Variants in CELSR1 observed in about 807,000 individuals in gnomAD.
CELSR1 encodes adhesion G protein-coupled receptor C1.
Under a neutral mutation model 249.1 loss-of-function variants are expected in CELSR1, and 110 were observed. That is an observed-to-expected ratio of 0.44 (90% CI 0.38 to 0.52). The LOEUF (loss-of-function observed/expected upper bound fraction) is 0.52. Ranked by LOEUF, CELSR1 falls within the 20% of genes least tolerant of loss-of-function variation. The probability of loss-of-function intolerance (pLI) is 0.00; values close to 1 mark genes in which losing one functional copy is unlikely to be tolerated. For missense variants in CELSR1, 4,109 were observed against 4,296.4 expected (o/e 0.96, Z 1.22); for synonymous variants, 2,113 against 1,900.0 (o/e 1.11, Z -2.92).
Position 46,412,783 on chromosome 22 carries a change from A to G in CELSR1, c.4612-1024T>C, listed in dbSNP as rs1472584678. ...CGGAACTTAAGCATGTGGGTCTCAA[A>G]GTTCCAGAAACACAGTTGGTGCCAG... is the stretch of plus-strand genomic sequence containing the variant. On this transcript the variant is annotated intron_variant, in intron 5 of 34. Transcript: ENST00000674500. The surrounding 1 kb of genome is among the most constrained non-coding windows in gnomAD (Gnocchi z 4.5). 1.3e-5 allele frequency among the ~76,000 whole-genome samples: 2 copies of G among 152,202 alleles called. No individual in the cohort carries two copies. The highest frequency in any genetic ancestry group is 4.8e-5 in the African/African-American group (2 of 41,456).
In CELSR1 at chr22:46,429,653, T is replaced by C. The variant is rs1215197528; in HGVS notation, c.4611+3740A>G. Among the ~76,000 whole-genome samples the C allele has an allele frequency of 6.6e-6, 1 of 152,230 alleles. No homozygotes were observed. The highest frequency in any genetic ancestry group is 1.9e-4 in the East Asian group (1 of 5,192). ...CTGCTCCCTGCCTGGGAGGGTTCCC[T>C]ACCCCATGGCTTCTGGTGGCTTTGG... is the stretch of plus-strand genomic sequence containing the variant. On this transcript the variant is annotated intron_variant, in intron 5 of 34. Coordinates refer to ENST00000674500, the MANE Select transcript of CELSR1 (RefSeq NM_001378328.1). The surrounding 1 kb of genome is among the most constrained non-coding windows in gnomAD (Gnocchi z 4.1).
chr22:46,378,280 G>A (rs985879111), intron 23 of CELSR1, among the ~76,000 whole-genome samples: 8 of 152,076 alleles, frequency 5.3e-5, no homozygotes, highest in African/African-American at 1.7e-4. Flanking sequence ...AGAGCTCCTC[G>A]GAGCCTGAGC....
chr22:46,536,335 C>T lies in CELSR1; in HGVS notation c.836G>A (p.Arg279His). The change falls in exon 1 of 35, where the codon CGC becomes CAC. Residue 279 changes from arginine (R) to histidine (H), a missense_variant. By Grantham distance (29) the Arg-to-His change is conservative. Transcript: ENST00000674500. ...AHYTIEGEEE[R>H]VSYYMEGLFD... ...CAGCCCCTCCATGTAATAGCTCACG[C>T]GCTCCTCCTCGCCCTCGATGGTGTA... 2 of 1,612,714 alleles carry T rather than the reference C, an allele frequency of 1.2e-6. No individual in the cohort carries two copies. Among genetic ancestry groups the T allele is most frequent in the Non-Finnish European group, 1.7e-6 (2 of 1,179,868 alleles).
rs776824429 is a variant in CELSR1, at chr22:46,397,830, T to TC, written c.5544dup (p.Thr1849AspfsTer23). 13 of 1,567,546 alleles carry TC rather than the reference T, an allele frequency of 8.3e-6. No individual in the cohort carries two copies. Among genetic ancestry groups the TC allele is most frequent in the Admixed American group, 1.8e-5 (1 of 55,896 alleles). ...TTCAGGGTGGCGACGTTGGTGGGCG[T>TC]CCCCCCCATCCTCACTCCCTGCATT... On this transcript the variant is annotated frameshift_variant, in exon 12 of 35. Transcript: ENST00000674500. LOFTEE classifies it high-confidence loss of function.
rs963974588 is a variant in CELSR1 at position 46,535,942 on chromosome 22, C to T, written c.1229G>A (p.Ser410Asn). Residue 410 changes from serine to asparagine, a missense_variant, in exon 1 of 35, where the codon AGC becomes AAC. Coordinates refer to ENST00000674500, the MANE Select transcript of CELSR1 (RefSeq NM_001378328.1). ...CTCCCGGTCCAGCACCGCCCGTGTG[C>T]TCACCACGCCAGAGCTCTCGTTGAG... ...FQLNESSGVVSTRAVLDREEA... is the reference protein window; with the variant it reads ...FQLNESSGVVNTRAVLDREEA... 3 of 1,609,826 alleles carry T rather than the reference C, an allele frequency of 1.9e-6. No individual in the cohort carries two copies. In the African/African-American group the frequency reaches 4.0e-5, roughly 21 times the overall value.
chr22:46,373,759 C>T (rs955933217), intron 24 of CELSR1, among the ~76,000 whole-genome samples: 1 of 147,290 alleles, frequency 6.8e-6, no homozygotes, highest in African/African-American at 2.7e-5. Flanking sequence ...GGGAGGGTCC[C>T]ACCACCCTGA....
rs374191807 is a variant in CELSR1, at chr22:46,411,952, T to C, written c.4612-193A>G. On this transcript the variant is annotated intron_variant, in intron 5 of 34. Transcript: ENST00000674500. This position sits in a 1 kb window ranked among gnomAD's most constrained non-coding sequence, Gnocchi z 4.2. ...TGCTCAATGCCCCCTCAAGTTCTGC[T>C]TCCCAGAATCTCAGAACGTGGCCTG... Among the ~76,000 whole-genome samples, 18 of 152,318 alleles carry C rather than the reference T, an allele frequency of 1.2e-4. No homozygotes were observed. Among genetic ancestry groups the C allele is most frequent in the African/African-American group, 4.1e-4 (17 of 41,576 alleles).
Position 46,527,572 on chromosome 22 carries a change from C to T in CELSR1, c.3544+6055G>A, listed in dbSNP as rs771355393. Among the ~76,000 whole-genome samples the T allele has an allele frequency of 1.3e-5, 2 of 152,220 alleles. No individual in the cohort carries two copies. The highest frequency in any genetic ancestry group is 2.4e-5 in the African/African-American group (1 of 41,450). ...ATCGGATGGTCCATCTCCACCCAGC[C>T]GCAGAAGTCAGGACCACACTGGCTC... On this transcript the variant is annotated intron_variant, in intron 1 of 34. Transcript: ENST00000674500. The surrounding 1 kb of genome is among the most constrained non-coding windows in gnomAD (Gnocchi z 5.5).
intron 4 of CELSR1, among the ~76,000 whole-genome samples, chr22:46,435,485 T>C (rs2079649029): frequency 6.6e-6 from 1 of 151,738 alleles, no homozygotes; most frequent in African/African-American, 2.4e-5. Flanking sequence ...TTTCACCATG[T>C]TAGCCAGGCT....
At chr22:46,379,892 T>C (rs1380469735) in intron 22 of CELSR1, among the ~76,000 whole-genome samples, 1 of 152,200 alleles carries the variant, frequency 6.6e-6, no homozygotes, top group African/African-American at 2.4e-5. Flanking sequence ...TCCCTGACTG[T>C]GCTCCCATCC....
In CELSR1 at chr22:46,423,582, GCAA is replaced by G. The variant is rs1395381261; in HGVS notation, c.4611+9808_4611+9810del. Among the ~76,000 whole-genome samples the G allele has an allele frequency of 6.8e-6, 1 of 146,218 alleles. No individual in the cohort carries two copies. Among genetic ancestry groups the G allele is most frequent in the Non-Finnish European group, 1.5e-5 (1 of 67,232 alleles). ...ATCGCGCCTTTACACTCCAGCCTGG[GCAA>G]CAGGAGCGAAACTTCGTCTCAGAAA... On this transcript the variant is annotated intron_variant, in intron 5 of 34. Transcript: ENST00000674500. This position sits in a 1 kb window ranked among gnomAD's most constrained non-coding sequence, Gnocchi z 5.6.
At chr22:46,467,721 C>T (rs991673085) in intron 1 of CELSR1, among the ~76,000 whole-genome samples, 16 of 151,894 alleles carry the variant, frequency 1.1e-4, no homozygotes, top group Non-Finnish European at 2.2e-4. Flanking sequence ...ACTCAGGAGG[C>T]TGAGGCAGGA....
chr22:46,370,249 T>C (rs1436149450), intron 25 of CELSR1: 1 of 420,062 alleles, frequency 2.4e-6, no homozygotes, highest in African/African-American at 2.0e-5. Context: ...TACAGGGCCA[T>C]ATGTGAGCGG....
chr22:46,399,816 G>T lies in CELSR1; in HGVS notation c.5313C>A (p.Asp1771Glu). 1.2e-6 allele frequency: 2 copies of T among 1,614,116 alleles called. No individual in the cohort carries two copies. The highest frequency in any genetic ancestry group is 1.7e-6 in the Non-Finnish European group (2 of 1,179,994). Residue 1771 changes from aspartate to glutamate, a missense_variant, in exon 10 of 35, where the codon GAC becomes GAA. Physicochemically the swap from Asp to Glu is conservative, Grantham distance 45. This residue lies in a region of CELSR1 where 1,805 missense variants were observed against 1,831.6 expected (regional missense o/e 0.99). Transcript: ENST00000674500. The surrounding 1 kb of genome is among the most constrained non-coding windows in gnomAD (Gnocchi z 5.0). ...CGATCAGCAGGTGGTGCCACTCCCCGTCGGTCACCCGCAACCCGGACAGCA... is the reference window on the plus strand; with the variant it reads ...CGATCAGCAGGTGGTGCCACTCCCCTTCGGTCACCCGCAACCCGGACAGCA... ...SVMLSGLRVT[D>E]GEWHHLLIEL...
intron 3 of CELSR1, 23 bp downstream of exon 3, chr22:46,439,166 G>A (rs1486990380): frequency 1.3e-6 from 2 of 1,599,362 alleles, no homozygotes; most frequent in East Asian, 2.2e-5. Context: ...ACCCCCGTGT[G>A]GCGCGGCGGG....
At position 46,472,088 on chromosome 22, in the gene CELSR1, A is replaced by G. The variant is rs1221552252; in HGVS notation, c.3545-7743T>C. On this transcript the variant is annotated intron_variant, in intron 1 of 34. Coordinates refer to ENST00000674500, the MANE Select transcript of CELSR1 (RefSeq NM_001378328.1). The surrounding 1 kb of genome is among the most constrained non-coding windows in gnomAD (Gnocchi z 7.0). ...GCGGCTCCGCGGCACCTCAAAAGCG[A>G]TCAAGTGCCATCCCCTGCTTTCCCG... Among the ~76,000 whole-genome samples, 1 of 152,102 alleles carries G rather than the reference A, an allele frequency of 6.6e-6. No individual in the cohort carries two copies. Among genetic ancestry groups the G allele is most frequent in the Non-Finnish European group, 1.5e-5 (1 of 68,014 alleles).
At position 46,447,482 on chromosome 22, in the gene CELSR1, C is replaced by T. The variant is rs2079833512; in HGVS notation, c.4184-8071G>A. Among the ~76,000 whole-genome samples, 1 of 152,086 alleles carries T rather than the reference C, an allele frequency of 6.6e-6. No homozygotes were observed. The highest frequency in any genetic ancestry group is 1.5e-5 in the Non-Finnish European group (1 of 68,032). On this transcript the variant is annotated intron_variant, in intron 2 of 34. Coordinates refer to ENST00000674500, the MANE Select transcript of CELSR1 (RefSeq NM_001378328.1). The surrounding 1 kb of genome is among the most constrained non-coding windows in gnomAD (Gnocchi z 4.7). ...AAATTCACCCATACTCTGCACACCCCCATCACCATGGCAGCCTCGCCTCCC... is the reference window on the plus strand; with the variant it reads ...AAATTCACCCATACTCTGCACACCCTCATCACCATGGCAGCCTCGCCTCCC...
chr22:46,433,628 G>A lies in CELSR1; in HGVS notation c.4523-147C>T, dbSNP rs1180662148. ...TCCCCACGGCACCATGGTGGGAGGCGCCCACCACTCCATCCATTTTCTTTT... is the reference window on the plus strand; with the variant it reads ...TCCCCACGGCACCATGGTGGGAGGCACCCACCACTCCATCCATTTTCTTTT... On this transcript the variant is annotated intron_variant, in intron 4 of 34. Coordinates refer to ENST00000674500, the MANE Select transcript of CELSR1 (RefSeq NM_001378328.1). The surrounding 1 kb of genome is among the most constrained non-coding windows in gnomAD (Gnocchi z 5.7). 2.8e-5 allele frequency: 17 copies of A among 608,628 alleles called. No individual in the cohort carries two copies. Among genetic ancestry groups the A allele is most frequent in the Admixed American group, 2.9e-5 (1 of 34,148 alleles). 37.7% of individuals were successfully genotyped at this position (608,628 alleles called of 1,614,324 possible).
At chr22:46,377,449 T>A in intron 23 of CELSR1, 188 bp from the exon 24 acceptor site, 1 of 640,294 alleles carries the variant, frequency 1.6e-6, no homozygotes, top group Non-Finnish European at 2.7e-6. Context: ...GCTCCTTCAA[T>A]GCCCTGGGCC....
Sources: allele counts gnomAD v4.1 joint callset (sites outside exome capture counted in the v4.1 genomes callset), GRCh38; gene constraint gnomAD v4.1.1; regional missense constraint gnomAD v4.1.1; non-coding constraint Gnocchi (gnomAD v3.1); transcripts MANE v1.5; gene names NCBI Gene and HGNC (gene_info 2026-07-23, HGNC 2026-07-21).